PIAS1: variants seen among roughly 807,000 people sequenced by gnomAD.
PIAS1 encodes the protein protein inhibitor of activated STAT 1, also known as E3 SUMO-protein ligase PIAS1.
In PIAS1, 6 loss-of-function variants were observed where a neutral mutation model predicts 71.3. The observed-to-expected ratio is 0.08, with a 90% CI of 0.05 to 0.17. The LOEUF is 0.17. Among genes scored for constraint, PIAS1 ranks in the 10% least tolerant of loss-of-function variants. The probability of loss-of-function intolerance (pLI) is 1.00; values close to 1 mark genes in which losing one functional copy is unlikely to be tolerated. For synonymous variants in PIAS1, 303 were observed against 292.9 expected (o/e 1.03, Z -0.35); for missense variants, 555 against 793.6 (o/e 0.70, Z 3.61).
At chr15:68,149,044 G>A (rs545628602) in intron 6 of PIAS1, among the ~76,000 whole-genome samples, 1 of 152,208 alleles carries the variant, frequency 6.6e-6, no homozygotes, top group South Asian at 2.1e-4. Context: ...CTGAGATAGA[G>A]GAAACACTGG....
At chr15:68,152,861 G>A (rs900958429) in intron 6 of PIAS1, among the ~76,000 whole-genome samples, 1 of 148,246 alleles carries the variant, frequency 6.7e-6, no homozygotes, top group African/African-American at 2.5e-5. Context: ...CTTAGTCTTA[G>A]CTTGTTGATT....
intron 2 of PIAS1, among the ~76,000 whole-genome samples, chr15:68,093,917 A>G (rs1266275207): frequency 6.6e-6 from 1 of 151,972 alleles, no homozygotes; most frequent in Non-Finnish European, 1.5e-5. Context: ...AAAGTATTCT[A>G]ATATTGTTTA....
chr15:68,181,587 C>G (rs1031454735), intron 12 of PIAS1: 2 of 425,662 alleles, frequency 4.7e-6, no homozygotes, highest in East Asian at 4.1e-5. Context: ...GTGCAATAAT[C>G]TTTAGTTTTT....
intron 1 of PIAS1, among the ~76,000 whole-genome samples, chr15:68,064,101 T>A (rs900818614): frequency 6.6e-6 from 1 of 152,064 alleles, no homozygotes; most frequent in African/African-American, 2.4e-5. Context: ...TGCAGTTGAG[T>A]TGTGAGCTTT....
rs537399079 is a variant in PIAS1, at chr15:68,054,440, T to G, written c.24+90T>G. The G allele has an allele frequency of 1.2e-4, 171 of 1,385,618 alleles. 2 individuals are homozygous for G. The East Asian group carries it at 2.5e-3, about 20-fold the overall frequency. 85.8% of individuals were successfully genotyped at this position (1,385,618 alleles called of 1,614,324 possible). A position where few individuals can be genotyped will look rare whatever the true frequency, so the allele number is the denominator to read the frequency against. On this transcript the variant is annotated intron_variant, in intron 1 of 13. Coordinates refer to ENST00000249636, the MANE Select transcript of PIAS1 (RefSeq NM_016166.3). The surrounding 1 kb of genome is among the most constrained non-coding windows in gnomAD (Gnocchi z 4.6). ...GGGATGGGTCCGACCCTGGGGGGCC[T>G]CTCGGGCCTGACTCCACCCGGGCCT...
chr15:68,104,340 T>A (rs1356684755), intron 2 of PIAS1, among the ~76,000 whole-genome samples: 2 of 152,194 alleles, frequency 1.3e-5, no homozygotes, highest in African/African-American at 4.8e-5. Flanking sequence ...TTCTCTTTTA[T>A]TTTCTAATGG....
chr15:68,151,386 A>C (rs2141059470), intron 6 of PIAS1, among the ~76,000 whole-genome samples: 2 of 152,186 alleles, frequency 1.3e-5, no homozygotes, highest in East Asian at 3.9e-4. Flanking sequence ...ATTTATATAA[A>C]GCCTTAGGGT....
Position 68,187,641 on chromosome 15 carries a change from A to G in PIAS1, c.1762A>G (p.Met588Val), listed in dbSNP as rs748102470. The G allele has an allele frequency of 3.7e-6, 6 of 1,613,946 alleles. No homozygotes were observed. The South Asian group carries it at 5.5e-5, about 15-fold the overall frequency. The change falls in exon 14 of 14, where the codon ATG (methionine) becomes GTG (valine). Residue 588 changes from methionine (M) to valine (V), a missense_variant. By Grantham distance (21) the Met-to-Val change is conservative. Transcript: ENST00000249636. This position sits in a 1 kb window ranked among gnomAD's most constrained non-coding sequence, Gnocchi z 5.3. ...GTTTTTCCCGTATACCTCCTCACAGATGTTTCTTGATCAGTTAAGTGCAGG... is the reference window on the plus strand; with the variant it reads ...GTTTTTCCCGTATACCTCCTCACAGGTGTTTCTTGATCAGTTAAGTGCAGG... The part of the protein sequence containing the change: ...SRFFPYTSSQ[M>V]FLDQLSAGGS...
chr15:68,057,279 C>T (rs2091906624), intron 1 of PIAS1, among the ~76,000 whole-genome samples: 2 of 152,012 alleles, frequency 1.3e-5, no homozygotes, highest in African/African-American at 4.8e-5. Flanking sequence ...AGGGGAGTAC[C>T]CATAAATGTC....
intron 2 of PIAS1, among the ~76,000 whole-genome samples, chr15:68,090,927 G>GATGTGTGTGTGTGT (rs1555425137): frequency 7.0e-6 from 1 of 142,762 alleles, no homozygotes; most frequent in Non-Finnish European, 1.5e-5. Context: ...GTCATTTACG[G>GATGTGTGTGTGTGT]GTGTGTGTGT....
chr15:68,181,246 T>C lies in PIAS1; in HGVS notation c.1516T>C (p.Ser506Pro), dbSNP rs763855414. 3.1e-6 allele frequency: 5 copies of C among 1,613,614 alleles called. No homozygotes were observed. The highest frequency in any genetic ancestry group is 4.2e-6 in the Non-Finnish European group (5 of 1,179,672). The change falls in exon 12 of 14, where the codon TCC becomes CCC. Residue 506 changes from serine (S) to proline (P), a missense_variant. Coordinates refer to ENST00000249636, the MANE Select transcript of PIAS1 (RefSeq NM_016166.3). Reference protein sequence around the residue: ...LSLPHQASPVSRTPSLPAVDT... With the variant: ...LSLPHQASPVPRTPSLPAVDT... ...TCTTCCACATCAAGCATCTCCAGTA[T>C]CCCGCACCCCAAGCCTTCCTGCTGT...
chr15:68,090,084 C>T (rs961253731), intron 2 of PIAS1, among the ~76,000 whole-genome samples: 1 of 151,350 alleles, frequency 6.6e-6, no homozygotes, highest in Non-Finnish European at 1.5e-5. Context: ...CTCATCATGT[C>T]AGCCAGGCTG....
intron 2 of PIAS1, among the ~76,000 whole-genome samples, chr15:68,103,150 C>T (rs1235153269): frequency 6.6e-6 from 1 of 152,094 alleles, no homozygotes; most frequent in Non-Finnish European, 1.5e-5. Flanking sequence ...TGGTCTCGAA[C>T]TCCTGGCCTC....
At chr15:68,121,593 T>C (rs1367359547) in intron 2 of PIAS1, among the ~76,000 whole-genome samples, 1 of 152,090 alleles carries the variant, frequency 6.6e-6, no homozygotes, top group African/African-American at 2.4e-5. Flanking sequence ...ACTTAACCTT[T>C]AAATATTGGT....
intron 8 of PIAS1, among the ~76,000 whole-genome samples, chr15:68,170,047 T>G (rs1007263128): frequency 6.6e-6 from 1 of 152,132 alleles, no homozygotes; most frequent in East Asian, 1.9e-4. Context: ...CCTCCTGGAA[T>G]TGCCCATCAT....
intron 2 of PIAS1, among the ~76,000 whole-genome samples, chr15:68,106,157 A>G (rs2092466693): frequency 6.6e-6 from 1 of 152,056 alleles, no homozygotes; most frequent in Non-Finnish European, 1.5e-5. Flanking sequence ...GTGTATACAT[A>G]CATTTTCACA....
intron 7 of PIAS1, among the ~76,000 whole-genome samples, chr15:68,159,168 C>A (rs900978186): frequency 4.6e-5 from 7 of 152,080 alleles, no homozygotes; most frequent in African/African-American, 1.7e-4. Flanking sequence ...AACTTTAACT[C>A]CCAGAGAACT....
intron 2 of PIAS1, among the ~76,000 whole-genome samples, chr15:68,112,513 CA>C (rs34503878): frequency 6.6e-6 from 1 of 151,120 alleles, no homozygotes; most frequent in East Asian, 1.9e-4. Flanking sequence ...ATTATACCAC[CA>C]AAAAAAAGTA....
chr15:68,152,438 G>A (rs575182994), intron 6 of PIAS1, among the ~76,000 whole-genome samples: 2 of 152,190 alleles, frequency 1.3e-5, no homozygotes, highest in East Asian at 3.9e-4. Flanking sequence ...GTCAAAAGAG[G>A]GGAGTGCATT....
Sources: gnomAD v4.1 joint callset for allele counts (sites outside exome capture counted in the v4.1 genomes callset) on GRCh38, gnomAD v4.1.1 for gene constraint, Gnocchi (gnomAD v3.1) non-coding constraint, MANE v1.5 for transcripts, NCBI Gene and HGNC (gene_info 2026-07-23, HGNC 2026-07-21) for gene names.